Variants in TWSG1 observed in about 807,000 individuals in gnomAD.
TWSG1 encodes twisted gastrulation BMP signaling modulator 1.
A neutral mutation model predicts 23.0 loss-of-function variants in TWSG1; 15 were observed. The observed-to-expected ratio is 0.65, with a 90% confidence interval of 0.44 to 1.00. TWSG1 has a LOEUF of 1.00. Ranked by LOEUF, TWSG1 falls within the 50% of genes least tolerant of loss-of-function variation. The pLI, the probability that TWSG1 is intolerant of heterozygous loss-of-function variation, is 0.00. For synonymous variants in TWSG1, 86 were observed against 92.8 expected (o/e 0.93, Z 0.42); for missense variants, 242 against 278.7 (o/e 0.87, Z 0.94).
At chr18:9,357,030 T>C (rs972005750) in intron 2 of TWSG1, among the ~76,000 whole-genome samples, 1 of 150,138 alleles carries the variant, frequency 6.7e-6, no homozygotes, top group South Asian at 2.1e-4. Flanking sequence ...TTCTAAAAAG[T>C]GCGTACTCAG....
At chr18:9,388,835 G>T (rs1055933325) in intron 3 of TWSG1, among the ~76,000 whole-genome samples, 5 of 152,180 alleles carry the variant, frequency 3.3e-5, no homozygotes, top group African/African-American at 4.8e-5. Context: ...GACTACAGAT[G>T]TGTGTCACCA....
intron 4 of TWSG1, 138 bp downstream of exon 4, chr18:9,396,684 T>C: frequency 9.4e-7 from 1 of 1,063,864 alleles, no homozygotes; most frequent in Non-Finnish European, 1.3e-6. Flanking sequence ...AATTCTAGAC[T>C]CAATAACCCT....
intron 3 of TWSG1, among the ~76,000 whole-genome samples, chr18:9,379,387 C>T (rs1452619789): frequency 6.6e-6 from 1 of 152,068 alleles, no homozygotes; most frequent in Non-Finnish European, 1.5e-5. Flanking sequence ...AACTGGAAGC[C>T]ATTATCATTA....
In TWSG1 at chr18:9,359,801, G is replaced by A. The variant is rs180856987; in HGVS notation, c.124-171G>A. Among the ~76,000 whole-genome samples the A allele has an allele frequency of 1.5e-3, 233 of 152,186 alleles. 1 individual carries two copies. Among genetic ancestry groups the A allele is most frequent in the African/African-American group, 5.4e-3 (224 of 41,528 alleles). ...CTGAATATATCCAAAAAAAATCTAC[G>A]TGACATTGTAGATATTTATGTTCTG... On this transcript the variant is annotated intron_variant, in intron 2 of 4. Coordinates refer to ENST00000262120, the MANE Select transcript of TWSG1 (RefSeq NM_020648.6).
intron 3 of TWSG1, among the ~76,000 whole-genome samples, chr18:9,392,642 G>A (rs573071197): frequency 3.0e-4 from 46 of 152,336 alleles, no homozygotes; most frequent in African/African-American, 1.1e-3. Context: ...TTTGGCACAA[G>A]TGGCCTAGCT....
chr18:9,368,281 A>C (rs2040588764), intron 3 of TWSG1, among the ~76,000 whole-genome samples: 1 of 152,144 alleles, frequency 6.6e-6, no homozygotes, highest in South Asian at 2.1e-4. Context: ...GGCTCACTGC[A>C]ACCTCCGCCT....
At position 9,375,290 on chromosome 18, in the gene TWSG1, C is replaced by G. The variant is rs374856373; in HGVS notation, c.223+15219C>G. ...AAAGCATTTAATAAAATCCAACACC[C>G]ATTCATGATAAAAACTCTCAGCAAA... is the stretch of plus-strand genomic sequence containing the variant. On this transcript the variant is annotated intron_variant, in intron 3 of 4. Coordinates refer to ENST00000262120, the MANE Select transcript of TWSG1 (RefSeq NM_020648.6). Among the ~76,000 whole-genome samples, 207 of 151,990 alleles carry G rather than the reference C, an allele frequency of 1.4e-3. 1 individual carries two copies. The highest frequency in any genetic ancestry group is 4.8e-3 in the African/African-American group (198 of 41,440).
At chr18:9,373,250 G>A (rs1008692679) in intron 3 of TWSG1, among the ~76,000 whole-genome samples, 1 of 152,156 alleles carries the variant, frequency 6.6e-6, no homozygotes, top group African/African-American at 2.4e-5. Context: ...ATTAAACTAT[G>A]TAAGGCAGGG....
At chr18:9,380,019 C>T (rs1261210264) in intron 3 of TWSG1, among the ~76,000 whole-genome samples, 1 of 152,170 alleles carries the variant, frequency 6.6e-6, no homozygotes, top group Non-Finnish European at 1.5e-5. Flanking sequence ...GATTTCTTAA[C>T]ATCAGGCATT....
intron 1 of TWSG1, among the ~76,000 whole-genome samples, chr18:9,335,470 G>A (rs1305582093): frequency 6.6e-6 from 1 of 152,218 alleles, no homozygotes; most frequent in Non-Finnish European, 1.5e-5. Flanking sequence ...TTTTTCCAGT[G>A]AAATTTGGGG....
At chr18:9,337,587 A>G (rs2040428677) in intron 2 of TWSG1, among the ~76,000 whole-genome samples, 1 of 152,216 alleles carries the variant, frequency 6.6e-6, no homozygotes, top group African/African-American at 2.4e-5. Context: ...CCTGTTGTAT[A>G]AACATGTCAT....
At chr18:9,351,122 T>G (rs1489738186) in intron 2 of TWSG1, among the ~76,000 whole-genome samples, 2 of 152,094 alleles carry the variant, frequency 1.3e-5, no homozygotes, top group African/African-American at 4.8e-5. Flanking sequence ...TTTAAGAACC[T>G]CAGTTTGTGT....
At chr18:9,342,502 A>T (rs952113053) in intron 2 of TWSG1, among the ~76,000 whole-genome samples, 1 of 152,232 alleles carries the variant, frequency 6.6e-6, no homozygotes, top group Non-Finnish European at 1.5e-5. Flanking sequence ...GTAGTCACAT[A>T]GGTACTATGA....
chr18:9,387,908 T>C (rs2040693376), intron 3 of TWSG1: 2 of 152,198 alleles, frequency 1.3e-5, no homozygotes. Flanking sequence ...AAATTAACAA[T>C]AATTTCTTGG....
intron 2 of TWSG1, among the ~76,000 whole-genome samples, chr18:9,358,295 C>G (rs928973215): frequency 6.6e-6 from 1 of 152,134 alleles, no homozygotes; most frequent in African/African-American, 2.4e-5. Context: ...CTCCCCAGTA[C>G]CAGCTCTGTA....
chr18:9,335,467 A>G (rs890819586), intron 1 of TWSG1, among the ~76,000 whole-genome samples: 30 of 152,246 alleles, frequency 2.0e-4, no homozygotes, highest in African/African-American at 7.0e-4. Flanking sequence ...TACTTTTTCC[A>G]GTGAAATTTG....
chr18:9,392,279 C>A (rs1459705651), intron 3 of TWSG1, among the ~76,000 whole-genome samples: 3 of 152,258 alleles, frequency 2.0e-5, no homozygotes, highest in Non-Finnish European at 4.4e-5. Context: ...AATGACTTAG[C>A]TGGATCTTCT....
intron 2 of TWSG1, among the ~76,000 whole-genome samples, chr18:9,358,463 A>T (rs2145606173): frequency 6.6e-6 from 1 of 152,342 alleles, no homozygotes; most frequent in Non-Finnish European, 1.5e-5. Context: ...AGTTCAAAAC[A>T]GAGCTGCAGA....
At chr18:9,366,073 A>G (rs2145612879) in intron 3 of TWSG1, among the ~76,000 whole-genome samples, 1 of 152,356 alleles carries the variant, frequency 6.6e-6, no homozygotes, top group South Asian at 2.1e-4. Context: ...GAACTTTTTC[A>G]TCTTGAGCCA....
Sources: gnomAD v4.1 joint callset for allele counts (sites outside exome capture counted in the v4.1 genomes callset) on GRCh38, gnomAD v4.1.1 for gene constraint, MANE v1.5 for transcripts, NCBI Gene and HGNC (gene_info 2026-07-23, HGNC 2026-07-21) for gene names.